PTK2: variants seen among roughly 807,000 people sequenced by gnomAD.
The protein encoded by PTK2 is focal adhesion kinase 1.
PTK2 carries 45 observed loss-of-function variants against 150.1 expected under a neutral mutation model. The ratio of observed to expected loss-of-function variants is 0.30; its 90% CI spans 0.24 to 0.38. PTK2 has a LOEUF of 0.38. Among genes scored for constraint, PTK2 ranks in the 10% least tolerant of loss-of-function variants. The pLI is 1.00. For missense variants in PTK2, 919 were observed against 1,307.3 expected (o/e 0.70, Z 4.58); for synonymous variants, 432 against 449.2 (o/e 0.96, Z 0.48).
intron 5 of PTK2, among the ~76,000 whole-genome samples, chr8:140,847,558 C>A (rs1266009035): frequency 1.3e-5 from 2 of 152,090 alleles, no homozygotes; most frequent in Non-Finnish European, 2.9e-5. Context: ...GAAATGTTAT[C>A]CACCCCTCCT....
chr8:140,784,944 T>C (rs1008852518), intron 14 of PTK2, among the ~76,000 whole-genome samples: 2 of 152,178 alleles, frequency 1.3e-5, no homozygotes, highest in Non-Finnish European at 2.9e-5. Context: ...CAACAAAATA[T>C]GAAAAAGTAC....
chr8:140,701,111 A>G, intron 25 of PTK2, 89 bp from the exon 29 acceptor site: 1 of 1,394,152 alleles, frequency 7.2e-7, no homozygotes, highest in African/African-American at 1.5e-5. Flanking sequence ...AAGAAAAGAT[A>G]AGCAAAACAG....
chr8:140,816,064 G>A (rs962705549), intron 10 of PTK2, among the ~76,000 whole-genome samples: 2 of 152,068 alleles, frequency 1.3e-5, no homozygotes, highest in Non-Finnish European at 2.9e-5. Flanking sequence ...TTATTCTTTT[G>A]CTGATTACAT....
At chr8:140,986,978 C>T (rs2100193482) in intron 1 of PTK2, among the ~76,000 whole-genome samples, 3 of 152,078 alleles carry the variant, frequency 2.0e-5, no homozygotes, top group African/African-American at 7.2e-5. Context: ...ATGACACATA[C>T]ACAAAAACAC....
At position 140,992,058 on chromosome 8, in the gene PTK2, G is replaced by C. The variant is rs552065362; in HGVS notation, c.-122+9067C>G. Among the ~76,000 whole-genome samples, 13 of 152,198 alleles carry C rather than the reference G, an allele frequency of 8.5e-5. No individual in the cohort carries two copies. In the South Asian group the frequency reaches 2.1e-3, roughly 24 times the overall value. On this transcript the variant is annotated intron_variant, in intron 1 of 31. Coordinates refer to ENST00000522684, the Ensembl canonical transcript of PTK2. ...CATAATCTCAGCACTTTGGGAGGCA[G>C]AGGTGGGCAGATCACCTGAGGTCAG...
intron 4 of PTK2, among the ~76,000 whole-genome samples, chr8:140,870,832 T>C (rs1031982568): frequency 1.3e-5 from 2 of 152,196 alleles, no homozygotes; most frequent in Admixed American, 6.5e-5. Flanking sequence ...TTAAGAATAA[T>C]TTTTGGAGAT....
chr8:140,798,973 T>C (rs969557535), intron 12 of PTK2, among the ~76,000 whole-genome samples: 22 of 152,246 alleles, frequency 1.4e-4, no homozygotes, highest in African/African-American at 5.3e-4. Flanking sequence ...ACTTCATTAC[T>C]CTATTTTATA....
At chr8:140,758,398 T>C (rs528724644) in intron 16 of PTK2, among the ~76,000 whole-genome samples, 1 of 152,284 alleles carries the variant, frequency 6.6e-6, no homozygotes, top group Non-Finnish European at 1.5e-5. Context: ...CTTCTACTTA[T>C]AAAACAAAAC....
At chr8:140,968,301 T>TG (rs2100186006) in intron 1 of PTK2, among the ~76,000 whole-genome samples, 1 of 152,212 alleles carries the variant, frequency 6.6e-6, no homozygotes, top group Admixed American at 6.5e-5. Flanking sequence ...CAGGGAATGA[T>TG]GAAGATTAGC....
At chr8:140,960,147 T>G (rs2100182610) in intron 1 of PTK2, among the ~76,000 whole-genome samples, 1 of 151,420 alleles carries the variant, frequency 6.6e-6, no homozygotes. Context: ...ACATATATTG[T>G]ATTAGAAGGA....
intron 27 of PTK2, among the ~76,000 whole-genome samples, chr8:140,677,788 T>C (rs759069156): frequency 6.6e-6 from 1 of 152,244 alleles, no homozygotes; most frequent in African/African-American, 2.4e-5. Context: ...TGTAGTGCTT[T>C]CTACTTCATA....
intron 2 of PTK2, among the ~76,000 whole-genome samples, chr8:140,891,145 A>G (rs2100154124): frequency 7.5e-6 from 1 of 133,814 alleles, no homozygotes; most frequent in African/African-American, 2.8e-5. Flanking sequence ...CCTGCTTTTG[A>G]AAACTTTTAC....
intron 27 of PTK2, among the ~76,000 whole-genome samples, chr8:140,686,406 GT>G (rs2100019871): frequency 8.1e-6 from 1 of 123,444 alleles, no homozygotes. Context: ...TAAAATAAAA[GT>G]TAAAAAAAAA....
intron 15 of PTK2, among the ~76,000 whole-genome samples, chr8:140,762,137 T>C (rs2100069752): frequency 6.6e-6 from 1 of 152,188 alleles, no homozygotes; most frequent in Admixed American, 6.5e-5. Flanking sequence ...TATTTTTACA[T>C]GTTCTCCCTG....
intron 29 of PTK2, among the ~76,000 whole-genome samples, chr8:140,671,080 T>C (rs181627339): frequency 1.3e-5 from 2 of 152,298 alleles, no homozygotes; most frequent in Admixed American, 1.3e-4. Context: ...AAACCCTCTA[T>C]AGATGTAGCC....
At chr8:140,758,655 A>T (rs1331642114) in intron 16 of PTK2, among the ~76,000 whole-genome samples, 1 of 152,236 alleles carries the variant, frequency 6.6e-6, no homozygotes, top group Non-Finnish European at 1.5e-5. Context: ...AATTAAAAAA[A>T]TTTAAATAGA....
At chr8:140,666,839 C>T (rs1223944182) in intron 30 of PTK2, among the ~76,000 whole-genome samples, 4 of 152,232 alleles carry the variant, frequency 2.6e-5, no homozygotes, top group African/African-American at 7.2e-5. Flanking sequence ...CAGCATTCTT[C>T]ATGATAACTG....
chr8:140,820,106 T>G (rs963727514), intron 8 of PTK2, among the ~76,000 whole-genome samples: 1 of 88,340 alleles, frequency 1.1e-5, no homozygotes, highest in Non-Finnish European at 2.1e-5. Context: ...TTTTTTTTTT[T>G]TTTTTTTTTT....
chr8:140,885,712 G>T (rs996100249), intron 3 of PTK2, among the ~76,000 whole-genome samples: 1 of 152,094 alleles, frequency 6.6e-6, no homozygotes, highest in African/African-American at 2.4e-5. Context: ...AGCTCTTGGG[G>T]GGATTTAAGC....
Sources: allele counts gnomAD v4.1 joint callset (sites outside exome capture counted in the v4.1 genomes callset), GRCh38; gene constraint gnomAD v4.1.1; transcripts MANE v1.5; gene names NCBI Gene and HGNC (gene_info 2026-07-23, HGNC 2026-07-21).